Variants in MSI2 observed in about 807,000 individuals in gnomAD.
MSI2 encodes RNA-binding protein Musashi homolog 2.
MSI2 carries 17 observed loss-of-function variants against 45.6 expected under a neutral mutation model. The ratio of observed to expected loss-of-function variants is 0.37; its 90% CI spans 0.26 to 0.56. The LOEUF (loss-of-function observed/expected upper bound fraction) is 0.56. MSI2 is among the 20% of genes least tolerant of loss of function. The pLI is 0.77. For synonymous variants in MSI2, 156 were observed against 158.2 expected, an observed-to-expected ratio of 0.99 and a Z score of 0.11; for missense variants, 293 against 444.2, an observed-to-expected ratio of 0.66 and a Z score of 3.06.
intron 11 of MSI2, among the ~76,000 whole-genome samples, chr17:57,656,942 G>A (rs938350130): frequency 6.6e-5 from 10 of 152,180 alleles, no homozygotes; most frequent in African/African-American, 2.2e-4. Context: ...TACTCTTTAC[G>A]TGTTGATGCT....
intron 5 of MSI2, among the ~76,000 whole-genome samples, chr17:57,347,568 T>C (rs539817355): frequency 6.6e-6 from 1 of 152,324 alleles, no homozygotes; most frequent in South Asian, 2.1e-4. Context: ...CTCAGCATCA[T>C]GTATGTTGAA....
intron 9 of MSI2, among the ~76,000 whole-genome samples, chr17:57,617,396 G>GTTGGTA (rs750090642): frequency 8.4e-4 from 128 of 152,274 alleles, no homozygotes; most frequent in Non-Finnish European, 1.5e-3. Flanking sequence ...CAGTGAGAAT[G>GTTGGTA]TAACACAAAG....
intron 6 of MSI2, among the ~76,000 whole-genome samples, chr17:57,446,940 A>G (rs2084911099): frequency 6.6e-6 from 1 of 152,196 alleles, no homozygotes; most frequent in South Asian, 2.1e-4. Flanking sequence ...TTGTGTAGCT[A>G]CACTCACATA....
In MSI2 at chr17:57,598,308, C is replaced by T. The variant is rs193097310; in HGVS notation, c.537+1358C>T. 2.0e-3 allele frequency among the ~76,000 whole-genome samples: 306 copies of T among 152,292 alleles called. 3 individuals are homozygous for T. The highest frequency in any genetic ancestry group is 0.019 in the Admixed American group (293 of 15,306). ...GTTCAGACATGCATTGTATATTGGT[C>T]TGATATGTGTTCACCAACTTTAAAT... On this transcript the variant is annotated intron_variant, in intron 8 of 13. Coordinates refer to ENST00000284073, the MANE Select transcript of MSI2 (RefSeq NM_138962.4).
chr17:57,279,772 G>C (rs1324074325), intron 5 of MSI2: 3 of 152,172 alleles, frequency 2.0e-5, no homozygotes, highest in Admixed American at 6.5e-5. Flanking sequence ...AGCCTCCCAA[G>C]TAGCTAGGAC....
At chr17:57,305,436 G>A (rs1911797859) in intron 5 of MSI2, among the ~76,000 whole-genome samples, 1 of 152,176 alleles carries the variant, frequency 6.6e-6, no homozygotes, top group Non-Finnish European at 1.5e-5. Context: ...CTTTCAAGAA[G>A]AGTTAATAAA....
intron 7 of MSI2, among the ~76,000 whole-genome samples, chr17:57,556,907 C>T (rs921100012): frequency 6.6e-6 from 1 of 152,176 alleles, no homozygotes; most frequent in Non-Finnish European, 1.5e-5. Context: ...TAATGTCTGG[C>T]CTTATTTGGT....
intron 7 of MSI2, among the ~76,000 whole-genome samples, chr17:57,577,875 C>T (rs1049138380): frequency 1.3e-5 from 2 of 152,178 alleles, no homozygotes; most frequent in Non-Finnish European, 2.9e-5. Flanking sequence ...CTTTTGTTCA[C>T]GGCAGGTCAC....
At chr17:57,621,233 G>A (rs1447759448) in intron 9 of MSI2, among the ~76,000 whole-genome samples, 1 of 152,056 alleles carries the variant, frequency 6.6e-6, no homozygotes, top group Non-Finnish European at 1.5e-5. Flanking sequence ...TATTAGTCCT[G>A]GAAGCACTAC....
chr17:57,585,768 C>T (rs771547360), intron 7 of MSI2, among the ~76,000 whole-genome samples: 1 of 152,230 alleles, frequency 6.6e-6, no homozygotes, highest in South Asian at 2.1e-4. Flanking sequence ...TCAGAAAGCC[C>T]TGAGTTGAGA....
At chr17:57,687,014 C>CG (rs924679057), downstream of MSI2, among the ~76,000 whole-genome samples, 4 of 147,060 alleles carry the variant, frequency 2.7e-5, no homozygotes, top group Admixed American at 6.7e-5. Flanking sequence ...AGCCCCCCCC[C>CG]CAAAAAATTT....
intron 5 of MSI2, among the ~76,000 whole-genome samples, chr17:57,395,445 A>G (rs949259831): frequency 1.3e-5 from 2 of 152,150 alleles, no homozygotes; most frequent in Non-Finnish European, 1.5e-5. Context: ...TTCAGATGTG[A>G]TGGTGATAGT....
Position 57,495,548 on chromosome 17 carries a change from A to AAAAAG in MSI2, c.406-34124_406-34120dup, listed in dbSNP as rs1555613510. ...ACTCTGTCTCAAAAAAAAAAAAAAA[A>AAAAAG]AAAAGAAAGCTTTACTTGGCTTCTC... is the stretch of plus-strand genomic sequence containing the variant. On this transcript the variant is annotated intron_variant, in intron 6 of 13. Coordinates refer to ENST00000284073, the MANE Select transcript of MSI2 (RefSeq NM_138962.4). 2.7e-3 allele frequency among the ~76,000 whole-genome samples: 393 copies of AAAAAG among 145,344 alleles called. 19 individuals carry two copies. The highest frequency in any genetic ancestry group is 0.024 in the South Asian group (110 of 4,528).
intron 5 of MSI2, among the ~76,000 whole-genome samples, chr17:57,392,001 C>T (rs8075882): frequency 0.47 from 71,186 of 152,096 alleles, 18,492 homozygotes; most frequent in East Asian, 0.69. Flanking sequence ...CACTGGGGGG[C>T]AGCGGCTCCC....
Position 57,495,514 on chromosome 17 carries a change from C to T in MSI2, c.406-34162C>T, listed in dbSNP as rs541587686. Among the ~76,000 whole-genome samples, 37 of 114,804 alleles carry T rather than the reference C, an allele frequency of 3.2e-4. 1 individual carries two copies. The South Asian group carries it at 0.01, about 31-fold the overall frequency. 75.3% of individuals were successfully genotyped at this position (114,804 alleles called of 152,430 possible). On this transcript the variant is annotated intron_variant, in intron 6 of 13. Transcript: ENST00000284073. The stretch of plus-strand genomic sequence containing the variant: ...CGCCACCACACTCCAGCCTGGGTGA[C>T]AGAGCGAGACTCTGTCTCAAAAAAA...
intron 5 of MSI2, among the ~76,000 whole-genome samples, chr17:57,311,767 G>C (rs1912421298): frequency 6.6e-6 from 1 of 152,120 alleles, no homozygotes; most frequent in Non-Finnish European, 1.5e-5. Flanking sequence ...TATTGCCCAG[G>C]CTGGTCTCAA....
intron 5 of MSI2, among the ~76,000 whole-genome samples, chr17:57,391,862 A>C (rs891579001): frequency 3.3e-5 from 5 of 152,212 alleles, no homozygotes; most frequent in Non-Finnish European, 7.3e-5. Flanking sequence ...TTCTTACTTA[A>C]TTTTGCTTAA....
intron 6 of MSI2, among the ~76,000 whole-genome samples, chr17:57,514,280 TTAGGGTGCAGCAAA>T (rs1187219711): frequency 6.6e-6 from 1 of 152,094 alleles, no homozygotes; most frequent in Non-Finnish European, 1.5e-5. Flanking sequence ...ATTTGAAGAA[TTAGGGTGCAGCAAA>T]TAGTACAGTT....
At chr17:57,491,335 T>C (rs961348061) in intron 6 of MSI2, among the ~76,000 whole-genome samples, 5 of 152,268 alleles carry the variant, frequency 3.3e-5, no homozygotes, top group African/African-American at 4.8e-5. Context: ...TCTAGGGTGT[T>C]AACTCTTAGA....
Sources: allele counts gnomAD v4.1 joint callset (sites outside exome capture counted in the v4.1 genomes callset), GRCh38; gene constraint gnomAD v4.1.1; transcripts MANE v1.5; gene names NCBI Gene and HGNC (gene_info 2026-07-23, HGNC 2026-07-21).